ATRNL1: variants seen among roughly 807,000 people sequenced by gnomAD.
The protein encoded by ATRNL1 is attractin like 1.
A neutral mutation model predicts 182.7 loss-of-function variants in ATRNL1; 95 were observed. The observed-to-expected ratio is 0.52, with a 90% CI of 0.44 to 0.62. The LOEUF is 0.62. Ranked by LOEUF, ATRNL1 falls within the 20% of genes least tolerant of loss-of-function variation. ATRNL1 has a pLI of 0.00. For synonymous variants in ATRNL1, 576 were observed against 568.3 expected (o/e 1.01, Z -0.19); for missense variants, 1,471 against 1,679.5 (o/e 0.88, Z 2.17).
chr10:115,702,805 C>T (rs1555051930), intron 26 of ATRNL1, among the ~76,000 whole-genome samples: 1 of 151,716 alleles, frequency 6.6e-6, no homozygotes, highest in Non-Finnish European at 1.5e-5. Flanking sequence ...TAATGAAAAA[C>T]ATTCTGTACT....
At chr10:115,804,421 A>G (rs116646557) in intron 27 of ATRNL1, among the ~76,000 whole-genome samples, 1,536 of 152,194 alleles carry the variant, frequency 0.01, 32 homozygotes, top group African/African-American at 0.035. Flanking sequence ...GCCCTCATAA[A>G]TGGCATTAGT....
At chr10:115,476,394 G>A (rs2134593854) in intron 24 of ATRNL1, among the ~76,000 whole-genome samples, 1 of 151,316 alleles carries the variant, frequency 6.6e-6, no homozygotes, top group South Asian at 2.1e-4. Flanking sequence ...TTCTTTTAAT[G>A]TCAGTTGGAT....
At chr10:115,340,647 C>T (rs1554938098) in intron 19 of ATRNL1, among the ~76,000 whole-genome samples, 1 of 151,562 alleles carries the variant, frequency 6.6e-6, no homozygotes. Context: ...GCTGTGAAGC[C>T]ATCAGACCCC....
intron 26 of ATRNL1, among the ~76,000 whole-genome samples, chr10:115,622,806 A>G (rs1857854947): frequency 6.6e-6 from 1 of 152,140 alleles, no homozygotes; most frequent in African/African-American, 2.4e-5. Flanking sequence ...GGGCGCCTGT[A>G]GTCCCAGCTA....
In ATRNL1 at chr10:115,811,483, T is replaced by A. The variant is rs147758864; in HGVS notation, c.3904-36394T>A. ...TGAATTGTCAGTTAGATTAGTTTCATTGATAATGCCATTATGTGTTCCACA... is the reference window on the plus strand; with the variant it reads ...TGAATTGTCAGTTAGATTAGTTTCAATGATAATGCCATTATGTGTTCCACA... On this transcript the variant is annotated intron_variant, in intron 27 of 28. Coordinates refer to ENST00000355044, the MANE Select transcript of ATRNL1 (RefSeq NM_207303.4). Among the ~76,000 whole-genome samples the A allele has an allele frequency of 6.6e-5, 10 of 152,174 alleles. No homozygotes were observed. In the East Asian group the frequency reaches 1.9e-3, roughly 29 times the overall value.
intron 10 of ATRNL1, among the ~76,000 whole-genome samples, chr10:115,259,734 A>G (rs886794747): frequency 6.6e-6 from 1 of 152,148 alleles, no homozygotes; most frequent in Non-Finnish European, 1.5e-5. Context: ...AGCTGTTCCT[A>G]TTCGGCCATC....
chr10:115,816,305 G>A (rs1202601369), intron 27 of ATRNL1, among the ~76,000 whole-genome samples: 2 of 152,014 alleles, frequency 1.3e-5, no homozygotes, highest in African/African-American at 2.4e-5. Context: ...GTTACTCCAC[G>A]GGAATGTTGC....
At chr10:115,165,132 G>A (rs1391334325) in intron 6 of ATRNL1, among the ~76,000 whole-genome samples, 1 of 151,240 alleles carries the variant, frequency 6.6e-6, no homozygotes, top group African/African-American at 2.4e-5. Context: ...TAAGTATCAG[G>A]CCAACTAAAA....
chr10:115,400,026 A>G (rs1844487483), intron 20 of ATRNL1, among the ~76,000 whole-genome samples: 1 of 152,098 alleles, frequency 6.6e-6, no homozygotes, highest in African/African-American at 2.4e-5. Context: ...TTTGCAAACT[A>G]TACATCTGAC....
chr10:115,890,382 T>G (rs1555110880), intron 28 of ATRNL1, among the ~76,000 whole-genome samples: 1 of 152,242 alleles, frequency 6.6e-6, no homozygotes, highest in Non-Finnish European at 1.5e-5. Flanking sequence ...CTTTGTAGTA[T>G]GCATCTTTCT....
rs1554868308 is a variant in ATRNL1 at position 115,112,201 on chromosome 10, G to A, written c.294-7984G>A. On this transcript the variant is annotated intron_variant, in intron 1 of 28. Transcript: ENST00000355044. ...TACTTTGTGTATTCATGAAGTGAAA[G>A]AGTATTGTTAAAATGTCTATATTAC... 3.3e-5 allele frequency among the ~76,000 whole-genome samples: 5 copies of A among 152,170 alleles called. 1 individual carries two copies. The South Asian group carries it at 6.2e-4, about 19-fold the overall frequency.
intron 9 of ATRNL1, among the ~76,000 whole-genome samples, chr10:115,219,911 A>G (rs573363523): frequency 6.6e-6 from 1 of 152,268 alleles, no homozygotes; most frequent in South Asian, 2.1e-4. Flanking sequence ...TCAAAAAAAC[A>G]AAAAAGAGAG....
chr10:115,910,943 T>C lies in ATRNL1; in HGVS notation c.4019-33715T>C, dbSNP rs17093767. Reference sequence around the variant, plus strand: ...TCTAGTTTGCAAGTTGTTTTCATGTTCGTTATCTCAGTGGATCTTGGCAAC... The same window carrying C: ...TCTAGTTTGCAAGTTGTTTTCATGTCCGTTATCTCAGTGGATCTTGGCAAC... On this transcript the variant is annotated intron_variant, in intron 28 of 28. Coordinates refer to ENST00000355044, the MANE Select transcript of ATRNL1 (RefSeq NM_207303.4). Among the ~76,000 whole-genome samples, 571 of 152,352 alleles carry C rather than the reference T, an allele frequency of 3.7e-3. 6 individuals carry two copies. Among genetic ancestry groups the C allele is most frequent in the African/African-American group, 0.013 (539 of 41,586 alleles).
chr10:115,370,100 T>C (rs572833798), intron 19 of ATRNL1, among the ~76,000 whole-genome samples: 146 of 152,222 alleles, frequency 9.6e-4, no homozygotes, highest in Non-Finnish European at 1.9e-3. Flanking sequence ...ATCTTTTATC[T>C]TGTCTGCCAC....
At chr10:115,743,064 A>C (rs1948184353) in intron 27 of ATRNL1, among the ~76,000 whole-genome samples, 1 of 151,936 alleles carries the variant, frequency 6.6e-6, no homozygotes, top group Non-Finnish European at 1.5e-5. Context: ...ATCACATCTC[A>C]TGAGAACTCA....
chr10:115,474,222 C>G (rs548693500), intron 24 of ATRNL1, among the ~76,000 whole-genome samples: 2 of 151,286 alleles, frequency 1.3e-5, no homozygotes, highest in African/African-American at 4.8e-5. Context: ...GGCAACATTG[C>G]CAGGTAAGGT....
chr10:115,356,184 T>C (rs1205261721), intron 19 of ATRNL1, among the ~76,000 whole-genome samples: 1 of 152,050 alleles, frequency 6.6e-6, no homozygotes, highest in Non-Finnish European at 1.5e-5. Flanking sequence ...TTGTAGATTA[T>C]TCAGAGAAGC....
At chr10:115,768,403 T>A (rs1450976440) in intron 27 of ATRNL1, among the ~76,000 whole-genome samples, 1 of 152,156 alleles carries the variant, frequency 6.6e-6, no homozygotes, top group Non-Finnish European at 1.5e-5. Flanking sequence ...TTATTTACAT[T>A]ACTATTGGAA....
At chr10:115,274,226 T>C (rs533487574) in intron 13 of ATRNL1, among the ~76,000 whole-genome samples, 2 of 152,212 alleles carry the variant, frequency 1.3e-5, no homozygotes, top group Non-Finnish European at 2.9e-5. Flanking sequence ...TGTATAGTAC[T>C]CTGGACCTGT....
Sources: allele counts gnomAD v4.1 joint callset (sites outside exome capture counted in the v4.1 genomes callset), GRCh38; gene constraint gnomAD v4.1.1; transcripts MANE v1.5; gene names NCBI Gene and HGNC (gene_info 2026-07-23, HGNC 2026-07-21).